The following SORBS2 variants were observed in gnomAD, a reference collection of about 807,000 sequenced individuals.
SORBS2 encodes sorbin and SH3 domain-containing protein 2.
A neutral mutation model predicts 97.7 loss-of-function variants in SORBS2; 46 were observed. The observed-to-expected ratio is 0.47, with a 90% CI of 0.37 to 0.60. The LOEUF is 0.60. Ranked by LOEUF, SORBS2 falls within the 20% of genes least tolerant of loss-of-function variation. SORBS2 has a pLI of 0.00. For missense variants in SORBS2, 1,316 were observed against 1,282.3 expected, an observed-to-expected ratio of 1.03 and a Z score of -0.40; for synonymous variants, 476 against 473.4, an observed-to-expected ratio of 1.01 and a Z score of -0.07.
intron 1 of SORBS2, among the ~76,000 whole-genome samples, chr4:185,923,109 T>TG (rs989239147): frequency 1.3e-5 from 2 of 152,102 alleles, no homozygotes; most frequent in African/African-American, 4.8e-5. Flanking sequence ...ATAATCTGTA[T>TG]GGGGGGAGCC....
Position 185,684,774 on chromosome 4 carries a change from G to A in SORBS2, c.-197-5952C>T, listed in dbSNP as rs376009676. ...TATACCTGCAGCCAATAGGTTTGGAGAACTTTGCACTCTCTTCACAGATGT... is the reference window on the plus strand; with the variant it reads ...TATACCTGCAGCCAATAGGTTTGGAAAACTTTGCACTCTCTTCACAGATGT... On this transcript the variant is annotated intron_variant, in intron 2 of 20. Coordinates refer to the SORBS2 transcript ENST00000284776. This position sits in a 1 kb window ranked among gnomAD's most constrained non-coding sequence, Gnocchi z 4.2. The A allele has an allele frequency of 6.5e-5, 101 of 1,551,762 alleles. No individual in the cohort carries two copies. The highest frequency in any genetic ancestry group is 2.0e-4 in the Admixed American group (10 of 50,992).
chr4:185,914,614 T>C (rs1053828255), intron 1 of SORBS2, among the ~76,000 whole-genome samples: 1 of 152,262 alleles, frequency 6.6e-6, no homozygotes, highest in Non-Finnish European at 1.5e-5. Flanking sequence ...TTGTAAATAC[T>C]GTGGTAACCC....
chr4:185,878,424 C>T (rs1317940006), intron 1 of SORBS2, among the ~76,000 whole-genome samples: 4 of 152,154 alleles, frequency 2.6e-5, no homozygotes. Context: ...GTCCCTCCGC[C>T]TTATTTCCCC....
chr4:185,792,703 T>C (rs72703837), intron 1 of SORBS2, among the ~76,000 whole-genome samples: 7,794 of 152,258 alleles, frequency 0.051, 263 homozygotes, highest in Middle Eastern at 0.11. Flanking sequence ...ATCTTGAGGA[T>C]ACGGAAATTT....
chr4:185,888,804 AAC>A (rs33954906), intron 1 of SORBS2, among the ~76,000 whole-genome samples: 4,389 of 152,278 alleles, frequency 0.029, 166 homozygotes, highest in African/African-American at 0.09. Flanking sequence ...CTGAACACTC[AAC>A]ACAGGGAAAG....
chr4:185,881,573 G>A (rs1439569065), intron 1 of SORBS2, among the ~76,000 whole-genome samples: 1 of 152,144 alleles, frequency 6.6e-6, no homozygotes, highest in Non-Finnish European at 1.5e-5. Flanking sequence ...AGAATTCAGG[G>A]ACTATAGCAC....
chr4:185,641,958 C>G (rs546193060), intron 4 of SORBS2, among the ~76,000 whole-genome samples: 2 of 152,094 alleles, frequency 1.3e-5, no homozygotes, highest in Non-Finnish European at 2.9e-5. Flanking sequence ...TTGTGGTTAT[C>G]GAGATTCCAC....
chr4:185,678,811 G>C (rs2097832442), exon 3 of SORBS2: 1 of 1,462,272 alleles, frequency 6.8e-7, no homozygotes, highest in Non-Finnish European at 9.1e-7. Flanking sequence ...TCTGGTGACT[G>C]AGAATCACGC....
Position 185,664,425 on chromosome 4 carries a change from C to T in SORBS2, c.-45-2183G>A, listed in dbSNP as rs143416140. Among the ~76,000 whole-genome samples, 841 of 152,186 alleles carry T rather than the reference C, an allele frequency of 5.5e-3. 3 individuals carry two copies. The highest frequency in any genetic ancestry group is 0.01 in the Middle Eastern group (3 of 292). On this transcript the variant is annotated intron_variant, in intron 4 of 20. Transcript: ENST00000284776. ...AACAGGTTAGTTGGTAGATTGATACCCTCTCACTGCCTTCTTTTTTTGGTT... is the reference window on the plus strand; with the variant it reads ...AACAGGTTAGTTGGTAGATTGATACTCTCTCACTGCCTTCTTTTTTTGGTT...
intron 3 of SORBS2, among the ~76,000 whole-genome samples, chr4:185,647,401 G>A (rs1202707996): frequency 6.8e-6 from 1 of 148,012 alleles, no homozygotes; most frequent in Non-Finnish European, 1.5e-5. Flanking sequence ...CTGAGCTAAA[G>A]AAGAAGGCTT....
chr4:185,687,936 C>T (rs537166224), intron 2 of SORBS2, among the ~76,000 whole-genome samples: 9 of 152,156 alleles, frequency 5.9e-5, no homozygotes, highest in Non-Finnish European at 8.8e-5. Context: ...AGAATCCTAA[C>T]GCTGGTCTTG....
chr4:185,611,878 C>A (rs374084265), exon 12 of SORBS2: 9 of 1,614,006 alleles, frequency 5.6e-6, no homozygotes, highest in Non-Finnish European at 7.6e-6. Flanking sequence ...TTCTTGACGA[C>A]CTCCACATAG....
intron 1 of SORBS2, among the ~76,000 whole-genome samples, chr4:185,942,206 G>T (rs554589040): frequency 1.3e-5 from 2 of 152,262 alleles, no homozygotes; most frequent in East Asian, 3.9e-4. Flanking sequence ...GAATTTTCAT[G>T]TAACTCTGAA....
intron 1 of SORBS2, among the ~76,000 whole-genome samples, chr4:185,834,172 T>C (rs1326565639): frequency 1.3e-5 from 2 of 152,226 alleles, no homozygotes; most frequent in Admixed American, 1.3e-4. Flanking sequence ...TTCCACAGGC[T>C]GTACAGGAAG....
At chr4:185,914,595 G>A (rs923943262) in intron 1 of SORBS2, among the ~76,000 whole-genome samples, 5 of 152,184 alleles carry the variant, frequency 3.3e-5, no homozygotes, top group Admixed American at 6.5e-5. Context: ...TACCGTGAAC[G>A]CACGTTCATT....
chr4:185,821,643 C>T (rs1475617877), intron 1 of SORBS2, among the ~76,000 whole-genome samples: 3 of 152,082 alleles, frequency 2.0e-5, no homozygotes, highest in Non-Finnish European at 2.9e-5. Context: ...AGGCTGGTCT[C>T]GAACTCCTGA....
chr4:185,933,549 T>G (rs2099267464), intron 1 of SORBS2, among the ~76,000 whole-genome samples: 1 of 152,146 alleles, frequency 6.6e-6, no homozygotes. Context: ...CCTTTCCCCT[T>G]GCTGGCCGTC....
Position 185,756,904 on chromosome 4 carries a change from G to C in SORBS2, c.-198+18323C>G. 3 of 1,132,364 alleles carry C rather than the reference G, an allele frequency of 2.6e-6. No homozygotes were observed. The South Asian group carries it at 3.7e-5, about 14-fold the overall frequency. 70.1% of individuals were successfully genotyped at this position (1,132,364 alleles called of 1,614,324 possible). ...TTCACATTTGCTGCTTATAATTCCT[G>C]AATGGTCCATATTGAGTATTTTCAT... is the stretch of plus-strand genomic sequence containing the variant. On this transcript the variant is annotated intron_variant, in intron 2 of 20. Transcript: ENST00000284776.
intron 1 of SORBS2, among the ~76,000 whole-genome samples, chr4:185,820,265 GGCTCCC>G (rs2099195937): frequency 6.6e-6 from 1 of 152,192 alleles, no homozygotes; most frequent in African/African-American, 2.4e-5. Flanking sequence ...ACTTATCGCA[GGCTCCC>G]TGCAACCTCA....
Sources: allele counts gnomAD v4.1 joint callset (sites outside exome capture counted in the v4.1 genomes callset), GRCh38; gene constraint gnomAD v4.1.1; non-coding constraint Gnocchi (gnomAD v3.1); transcripts MANE v1.5; gene names NCBI Gene and HGNC (gene_info 2026-07-23, HGNC 2026-07-21).